Variants in UMAD1 observed in about 807,000 individuals in gnomAD.
The protein encoded by UMAD1 is UBAP1-MVB12-associated (UMA)-domain containing protein 1.
In UMAD1, 8 loss-of-function variants were observed where a neutral mutation model predicts 6.1. That is an observed-to-expected ratio of 1.30 (90% confidence interval 0.76 to 2.35). The LOEUF (loss-of-function observed/expected upper bound fraction) is 2.35, where lower values mean the gene tolerates loss of function less well. UMAD1 is among the 30% of genes most tolerant of loss of function. The pLI is 0.00. For synonymous variants in UMAD1, 56 were observed against 31.4 expected (o/e 1.78, Z -2.61); for missense variants, 130 against 78.4 (o/e 1.66, Z -2.49).
intron 1 of UMAD1, among the ~76,000 whole-genome samples, chr7:7,651,171 T>C (rs1785215402): frequency 1.3e-5 from 2 of 152,192 alleles, no homozygotes; most frequent in South Asian, 2.1e-4. Flanking sequence ...TTTAAAAATA[T>C]ATGGCTAAAT....
chr7:7,710,686 A>C (rs1287560037), intron 2 of UMAD1, among the ~76,000 whole-genome samples: 1 of 152,242 alleles, frequency 6.6e-6, no homozygotes, highest in African/African-American at 2.4e-5. Context: ...CTCAGCAATT[A>C]CACTTTGGGC....
At chr7:7,812,832 A>G (rs1349892859) in intron 3 of UMAD1, among the ~76,000 whole-genome samples, 3 of 146,216 alleles carry the variant, frequency 2.1e-5, no homozygotes, top group African/African-American at 5.0e-5. Context: ...CTGTTTTTTA[A>G]TTAGTGGCAA....
chr7:7,849,924 A>G lies in UMAD1; in HGVS notation c.157-27357A>G, dbSNP rs1375014382. On this transcript the variant is annotated intron_variant, in intron 3 of 3. Transcript: ENST00000682710. ...CAGTGGGAAGCAAGGAGTTTTAGAT[A>G]GAACTGTGGAGCAAAGGCAAATTAA... Among the ~76,000 whole-genome samples, 4 of 152,144 alleles carry G rather than the reference A, an allele frequency of 2.6e-5. 1 individual carries two copies. In the East Asian group the frequency reaches 5.8e-4, roughly 22 times the overall value.
chr7:7,675,455 T>C (rs1779715409), intron 2 of UMAD1, among the ~76,000 whole-genome samples: 2 of 152,340 alleles, frequency 1.3e-5, no homozygotes, highest in South Asian at 4.1e-4. Context: ...GTCTTGTAGC[T>C]ATCTCAGTAG....
intron 2 of UMAD1, among the ~76,000 whole-genome samples, chr7:7,780,343 C>T (rs949094714): frequency 1.3e-5 from 2 of 152,178 alleles, no homozygotes; most frequent in South Asian, 4.1e-4. Flanking sequence ...CCAGTGACCT[C>T]CTTTCCTTCT....
chr7:7,776,793 C>A (rs547555343), intron 2 of UMAD1, among the ~76,000 whole-genome samples: 6 of 152,158 alleles, frequency 3.9e-5, no homozygotes, highest in Non-Finnish European at 5.9e-5. Context: ...TGTTCAAAAT[C>A]TTAAATTCGT....
rs982379868 is a variant in UMAD1 at position 7,642,685 on chromosome 7, A to G, written c.-64+1864A>G. On this transcript the variant is annotated intron_variant, in intron 1 of 3. Coordinates refer to ENST00000682710, the MANE Select transcript of UMAD1 (RefSeq NM_001302348.2). ...AAAAAAGTATAGCTAGCCGATTTGC[A>G]TAGTTTTGAGAGAAATGAAATGAAT... 5.9e-5 allele frequency among the ~76,000 whole-genome samples: 9 copies of G among 152,212 alleles called. 1 individual carries two copies. Among genetic ancestry groups the G allele is most frequent in the African/African-American group, 1.9e-4 (8 of 41,448 alleles).
intron 3 of UMAD1, among the ~76,000 whole-genome samples, chr7:7,847,108 T>A (rs1356020418): frequency 0.037 from 174 of 4,742 alleles, 29 homozygotes; most frequent in African/African-American, 0.27. Flanking sequence ...AAAAAAAATA[T>A]ATATATATAT....
intron 2 of UMAD1, among the ~76,000 whole-genome samples, chr7:7,723,207 T>C (rs1408008697): frequency 6.6e-6 from 1 of 152,176 alleles, no homozygotes; most frequent in Non-Finnish European, 1.5e-5. Context: ...GAAGAACTGC[T>C]TAAATTTTTC....
At position 7,673,368 on chromosome 7, in the gene UMAD1, A is replaced by AGCAGCAGCAGCAGCG. The variant is rs776102769; in HGVS notation, c.-1_1insGCAGCAGCAGCGGCA. ...CAGCAGCAGCAGCAGCAGCAGCAGC[A>AGCAGCAGCAGCAGCG]GCAATGTTTCACTTCTTCAGAAAGC... is the stretch of plus-strand genomic sequence containing the variant. On this transcript the variant is annotated 5_prime_UTR_variant, in exon 2 of 4. Transcript: ENST00000682710. The AGCAGCAGCAGCAGCG allele has an allele frequency of 1.8e-6, 2 of 1,125,840 alleles. No individual in the cohort carries two copies. Among genetic ancestry groups the AGCAGCAGCAGCAGCG allele is most frequent in the African/African-American group, 3.2e-5 (2 of 63,148 alleles). The allele number at this position is 1,125,840 out of a possible 1,614,324, so 69.7% of individuals were successfully genotyped here. A position where few individuals can be genotyped will look rare whatever the true frequency, so the allele number is the denominator to read the frequency against.
At chr7:7,688,252 T>C (rs1256238009) in intron 2 of UMAD1, among the ~76,000 whole-genome samples, 1 of 152,202 alleles carries the variant, frequency 6.6e-6, no homozygotes, top group African/African-American at 2.4e-5. Flanking sequence ...CCTTGGGCTG[T>C]GATTTCTTAG....
At chr7:7,704,694 G>C (rs6946042) in intron 2 of UMAD1, among the ~76,000 whole-genome samples, 3,654 of 149,646 alleles carry the variant, frequency 0.024, 162 homozygotes, top group African/African-American at 0.086. Flanking sequence ...TTGAACCCAG[G>C]GGGTGGAGGT....
chr7:7,685,621 T>C (rs1780026485), intron 2 of UMAD1, among the ~76,000 whole-genome samples: 1 of 152,196 alleles, frequency 6.6e-6, no homozygotes. Context: ...TTAATCTTTA[T>C]AAATGTGAAT....
chr7:7,844,651 G>A (rs1361393627), intron 3 of UMAD1, among the ~76,000 whole-genome samples: 1 of 152,026 alleles, frequency 6.6e-6, no homozygotes, highest in Non-Finnish European at 1.5e-5. Context: ...TTAGTTCAAA[G>A]TTAGACTGTA....
intron 2 of UMAD1, among the ~76,000 whole-genome samples, chr7:7,675,018 A>T (rs945911005): frequency 1.3e-5 from 2 of 151,896 alleles, no homozygotes; most frequent in African/African-American, 4.8e-5. Context: ...TGTATTTAAA[A>T]TTTTTTTTAA....
intron 2 of UMAD1, among the ~76,000 whole-genome samples, chr7:7,754,839 T>G (rs1393493904): frequency 2.0e-5 from 3 of 152,188 alleles, no homozygotes; most frequent in South Asian, 4.1e-4. Context: ...ATATACATAT[T>G]TTTTTCCACA....
In UMAD1 at chr7:7,814,848, C is replaced by T. The variant is rs76820486; in HGVS notation, c.156+13105C>T. 2.1e-3 allele frequency among the ~76,000 whole-genome samples: 318 copies of T among 152,126 alleles called. 3 individuals are homozygous for T. The highest frequency in any genetic ancestry group is 7.3e-3 in the African/African-American group (304 of 41,490). On this transcript the variant is annotated intron_variant, in intron 3 of 3. Transcript: ENST00000682710. ...GTCAGCTACACACTTACCTCCAGTG[C>T]GATGTGATTTCTTCAGGGTCCTTAT...
rs568858250 is a variant in UMAD1, at chr7:7,742,480, A to G, written c.83-59190A>G. The G allele has an allele frequency of 7.5e-6, 4 of 530,862 alleles. 1 individual carries two copies. Among genetic ancestry groups the G allele is most frequent in the South Asian group, 5.6e-5 (4 of 70,898 alleles). 32.9% of individuals were successfully genotyped at this position (530,862 alleles called of 1,614,324 possible). A position where few individuals can be genotyped will look rare whatever the true frequency, so the allele number is the denominator to read the frequency against. On this transcript the variant is annotated intron_variant, in intron 2 of 3. Coordinates refer to ENST00000682710, the MANE Select transcript of UMAD1 (RefSeq NM_001302348.2). ...TTTGTGGTTGTGGACACCTTTCAAC[A>G]CTGCCTTCTTGGCCTTCGAAGCCTT...
chr7:7,713,001 G>A (rs1333219509), intron 2 of UMAD1, among the ~76,000 whole-genome samples: 3 of 152,078 alleles, frequency 2.0e-5, no homozygotes, highest in Non-Finnish European at 2.9e-5. Flanking sequence ...CTAGCCTATT[G>A]TGTCAATTTG....
Sources: gnomAD v4.1 joint callset for allele counts (sites outside exome capture counted in the v4.1 genomes callset) on GRCh38, gnomAD v4.1.1 for gene constraint, MANE v1.5 for transcripts, NCBI Gene and HGNC (gene_info 2026-07-23, HGNC 2026-07-21) for gene names.